RAB27A: variants seen among roughly 807,000 people sequenced by gnomAD.
RAB27A encodes RAB27A, member RAS oncogene family.
RAB27A carries 17 observed loss-of-function variants against 20.8 expected under a neutral mutation model. The ratio of observed to expected loss-of-function variants is 0.82; its 90% CI spans 0.56 to 1.23. The LOEUF is 1.23. Ranked by LOEUF, RAB27A falls within the 50% of genes most tolerant of loss-of-function variation. RAB27A has a pLI of 0.00. For missense variants in RAB27A, 277 were observed against 266.7 expected (o/e 1.04, Z -0.27); for synonymous variants, 85 against 92.8 (o/e 0.92, Z 0.48).
intron 6 of RAB27A, among the ~76,000 whole-genome samples, chr15:55,212,676 G>A (rs1354977786): frequency 2.0e-5 from 3 of 151,894 alleles, no homozygotes; most frequent in Admixed American, 2.0e-4. Flanking sequence ...ATTACAGGCG[G>A]CTGCCACCAC....
At chr15:55,250,542 G>A (rs999365920) in intron 2 of RAB27A, among the ~76,000 whole-genome samples, 5 of 152,154 alleles carry the variant, frequency 3.3e-5, no homozygotes, top group Admixed American at 1.3e-4. Context: ...TTCAGTAAAC[G>A]GCAGTCAAAG....
intron 3 of RAB27A, among the ~76,000 whole-genome samples, chr15:55,232,390 T>G (rs944471144): frequency 2.6e-5 from 4 of 152,146 alleles, no homozygotes; most frequent in Non-Finnish European, 5.9e-5. Context: ...GTTTCTAGAA[T>G]AGACACATTA....
chr15:55,318,277 T>C (rs1162120834), intron 1 of RAB27A, among the ~76,000 whole-genome samples: 1 of 151,334 alleles, frequency 6.6e-6, no homozygotes, highest in Non-Finnish European at 1.5e-5. Flanking sequence ...TTTTGTATTT[T>C]TTGTAGAGAC....
chr15:55,270,857 A>G (rs1274712445), intron 1 of RAB27A: 1 of 151,660 alleles, frequency 6.6e-6, no homozygotes, highest in Non-Finnish European at 1.5e-5. Context: ...TCCCGTACTC[A>G]CCTCCTTTGC....
intron 2 of RAB27A, among the ~76,000 whole-genome samples, chr15:55,235,783 T>C (rs998271529): frequency 5.3e-5 from 8 of 151,982 alleles, no homozygotes; most frequent in African/African-American, 1.7e-4. Context: ...TACACCACAA[T>C]TTTTTTATCT....
chr15:55,233,905 T>A (rs1325390474), intron 3 of RAB27A, among the ~76,000 whole-genome samples: 2 of 152,160 alleles, frequency 1.3e-5, no homozygotes, highest in Non-Finnish European at 2.9e-5. Context: ...TACACGTCAA[T>A]ACTAAAAATT....
intron 2 of RAB27A, among the ~76,000 whole-genome samples, chr15:55,311,935 G>C (rs1445494949): frequency 6.6e-6 from 1 of 152,176 alleles, no homozygotes; most frequent in East Asian, 1.9e-4. Context: ...TTCCAAGACG[G>C]TGGCAAGCCT....
intron 2 of RAB27A, among the ~76,000 whole-genome samples, chr15:55,251,051 A>G (rs1052362336): frequency 5.3e-5 from 8 of 152,198 alleles, no homozygotes; most frequent in Non-Finnish European, 7.3e-5. Context: ...GTCTACCTAC[A>G]ATGCAGCTCT....
intron 6 of RAB27A, among the ~76,000 whole-genome samples, chr15:55,223,630 T>C (rs1032705297): frequency 6.6e-6 from 1 of 152,220 alleles, no homozygotes; most frequent in Non-Finnish European, 1.5e-5. Context: ...AAGGCGCCTC[T>C]GAGACAACTC....
chr15:55,208,204 A>G (rs930970575), intron 6 of RAB27A, among the ~76,000 whole-genome samples: 1 of 152,266 alleles, frequency 6.6e-6, no homozygotes, highest in Non-Finnish European at 1.5e-5. Flanking sequence ...GCAAAAATTA[A>G]ACATTGAATT....
intron 1 of RAB27A, among the ~76,000 whole-genome samples, chr15:55,275,290 A>C (rs1170016069): frequency 1.3e-5 from 2 of 151,948 alleles, no homozygotes; most frequent in Non-Finnish European, 2.9e-5. Flanking sequence ...AAGTGGGATT[A>C]CATCAAACTA....
At chr15:55,261,574 C>CA (rs112209083) in intron 2 of RAB27A, among the ~76,000 whole-genome samples, 15,672 of 116,768 alleles carry the variant, frequency 0.13, 912 homozygotes, top group South Asian at 0.15. Flanking sequence ...CTAAAAATAC[C>CA]AAAAAAAAAA....
chr15:55,269,129 A>C (rs777703905), intron 2 of RAB27A, among the ~76,000 whole-genome samples: 4 of 152,218 alleles, frequency 2.6e-5, no homozygotes, highest in Admixed American at 6.5e-5. Context: ...CAGGCTCCAG[A>C]ACTGTGAGGC....
chr15:55,243,944 T>G (rs1158921292), intron 2 of RAB27A, among the ~76,000 whole-genome samples: 3 of 152,132 alleles, frequency 2.0e-5, no homozygotes, highest in Non-Finnish European at 4.4e-5. Context: ...GACATCAAAA[T>G]TCATATCCTA....
At chr15:55,219,096 G>C (rs1895447287) in intron 6 of RAB27A, among the ~76,000 whole-genome samples, 1 of 152,046 alleles carries the variant, frequency 6.6e-6, no homozygotes. Flanking sequence ...CAAGAACAAA[G>C]GCTTATTATG....
intron 1 of RAB27A, among the ~76,000 whole-genome samples, chr15:55,286,136 C>T (rs996674232): frequency 3.3e-5 from 5 of 152,170 alleles, no homozygotes; most frequent in African/African-American, 7.2e-5. Context: ...TGGATGTGCC[C>T]GATCTCCTCT....
intron 2 of RAB27A, among the ~76,000 whole-genome samples, chr15:55,245,009 C>T (rs1896634007): frequency 6.6e-6 from 1 of 152,068 alleles, no homozygotes; most frequent in Non-Finnish European, 1.5e-5. Flanking sequence ...AACAGAGACA[C>T]CAAAAGCAAG....
chr15:55,316,126 G>A (rs1036713609), intron 1 of RAB27A, among the ~76,000 whole-genome samples: 9 of 151,516 alleles, frequency 5.9e-5, no homozygotes, highest in African/African-American at 1.7e-4. Context: ...CAGCTACTAC[G>A]TAGGCTGAGG....
At chr15:55,293,622 A>T (rs1476521710), upstream of RAB27A, among the ~76,000 whole-genome samples, 1 of 152,156 alleles carries the variant, frequency 6.6e-6, no homozygotes, top group Non-Finnish European at 1.5e-5. Flanking sequence ...AAATCTAAAT[A>T]AATGAAAAGA....
Sources: allele counts gnomAD v4.1 joint callset (sites outside exome capture counted in the v4.1 genomes callset), GRCh38; gene constraint gnomAD v4.1.1; transcripts MANE v1.5; gene names NCBI Gene and HGNC (gene_info 2026-07-23, HGNC 2026-07-21).